Variants in AK5 observed in about 807,000 individuals in gnomAD.
AK5 encodes the protein adenylate kinase isoenzyme 5.
Under a neutral mutation model 69.5 loss-of-function variants are expected in AK5, and 27 were observed. That is an observed-to-expected ratio of 0.39 (90% CI 0.29 to 0.54). The LOEUF (loss-of-function observed/expected upper bound fraction) is 0.54, where lower values mean the gene tolerates loss of function less well. AK5 is among the 20% of genes least tolerant of loss of function. The pLI, the probability that AK5 is intolerant of heterozygous loss-of-function variation, is 0.71. For synonymous variants in AK5, 260 were observed against 244.4 expected, an observed-to-expected ratio of 1.06 and a Z score of -0.60; for missense variants, 531 against 700.4, an observed-to-expected ratio of 0.76 and a Z score of 2.73.
intron 8 of AK5, among the ~76,000 whole-genome samples, chr1:77,446,014 T>C (rs1652730535): frequency 6.6e-6 from 1 of 152,226 alleles, no homozygotes; most frequent in South Asian, 2.1e-4. Context: ...CCAAGGCCAA[T>C]GTCAAGATCT....
Position 77,555,052 on chromosome 1 carries a change from A to G in AK5, c.1621-3550A>G, listed in dbSNP as rs372362404. Among the ~76,000 whole-genome samples the G allele has an allele frequency of 3.3e-5, 5 of 152,120 alleles. No homozygotes were observed. In the South Asian group the frequency reaches 8.3e-4, roughly 25 times the overall value. On this transcript the variant is annotated intron_variant, in intron 13 of 13. Coordinates refer to ENST00000354567, the MANE Select transcript of AK5 (RefSeq NM_174858.3). ...TCCCAGCACTTTGGGAGGCTGAGGT[A>G]GGCAGATTACTTGAGGCCAGGAGTT...
chr1:77,377,193 CT>C (rs1647307147), intron 6 of AK5, among the ~76,000 whole-genome samples: 1 of 152,170 alleles, frequency 6.6e-6, no homozygotes, highest in Non-Finnish European at 1.5e-5. Context: ...ATATACCAGA[CT>C]CCCTGTCAGT....
At chr1:77,495,835 ATAGACT>A (rs777754833) in intron 10 of AK5, among the ~76,000 whole-genome samples, 5 of 147,610 alleles carry the variant, frequency 3.4e-5, no homozygotes, top group Non-Finnish European at 5.9e-5. Flanking sequence ...AAGCAGATAT[ATAGACT>A]TAAAGGGGGG....
intron 5 of AK5, among the ~76,000 whole-genome samples, chr1:77,299,855 T>C (rs1659234784): frequency 6.6e-6 from 1 of 152,130 alleles, no homozygotes; most frequent in African/African-American, 2.4e-5. Context: ...TTTTTTTAAT[T>C]GCTTTTTAAA....
chr1:77,392,467 A>G (rs1648549283), intron 6 of AK5, among the ~76,000 whole-genome samples: 1 of 152,258 alleles, frequency 6.6e-6, no homozygotes. Flanking sequence ...CACATTTTAA[A>G]CAAACACTAA....
intron 11 of AK5, among the ~76,000 whole-genome samples, chr1:77,520,382 C>G (rs545347046): frequency 6.6e-6 from 1 of 152,156 alleles, no homozygotes; most frequent in African/African-American, 2.4e-5. Flanking sequence ...TTCCTCAAAA[C>G]CTTCCAATGG....
intron 6 of AK5, among the ~76,000 whole-genome samples, chr1:77,404,289 T>C (rs1200296106): frequency 2.0e-5 from 3 of 152,274 alleles, no homozygotes; most frequent in East Asian, 3.9e-4. Context: ...TACTGTAGGA[T>C]ATTTAGCAGC....
rs569665580 is a variant in AK5, at chr1:77,558,561, G to A, written c.1621-41G>A. 6 of 1,242,064 alleles carry A rather than the reference G, an allele frequency of 4.8e-6. No individual in the cohort carries two copies. In the African/African-American group the frequency reaches 8.9e-5, roughly 18 times the overall value. The allele number at this position is 1,242,064 out of a possible 1,614,324, so 76.9% of individuals were successfully genotyped here. A position where few individuals can be genotyped will look rare whatever the true frequency, so the allele number is the denominator to read the frequency against. ...CTTTCATTATTAAACATGATTTACA[G>A]ATATTTCAGACTAACTCTCTTTTTT... On this transcript the variant is annotated intron_variant, in intron 13 of 13. Coordinates refer to ENST00000354567, the MANE Select transcript of AK5 (RefSeq NM_174858.3).
At chr1:77,481,261 A>G (rs530111602) in intron 8 of AK5, among the ~76,000 whole-genome samples, 2 of 152,226 alleles carry the variant, frequency 1.3e-5, no homozygotes, top group African/African-American at 4.8e-5. Flanking sequence ...CTCTCTGAAC[A>G]TCAGTTTCCT....
chr1:77,284,544 C>T (rs1179167559), intron 1 of AK5, among the ~76,000 whole-genome samples: 1 of 152,160 alleles, frequency 6.6e-6, no homozygotes, highest in Non-Finnish European at 1.5e-5. Flanking sequence ...ATCTCTGGTA[C>T]GTTCATGTTT....
At chr1:77,526,465 CTTTTTTTTTTT>C (rs917395853) in intron 12 of AK5, among the ~76,000 whole-genome samples, 7 of 84,658 alleles carry the variant, frequency 8.3e-5, no homozygotes, top group Admixed American at 2.4e-4. Flanking sequence ...GAATAAAAGT[CTTTTTTTTTTT>C]TTTTTTTTTT....
chr1:77,313,716 G>A, intron 5 of AK5: 2 of 463,172 alleles, frequency 4.3e-6, no homozygotes, highest in East Asian at 6.7e-5. Context: ...TTGTGGGTTT[G>A]CTTTCCGTAC....
At chr1:77,521,789 A>T in intron 11 of AK5, 38 bp from the exon 12 acceptor site, 1 of 1,508,132 alleles carries the variant, frequency 6.6e-7, no homozygotes, top group East Asian at 2.3e-5. Context: ...GTGTTCTGTG[A>T]AAGAGCTCAG....
At chr1:77,452,358 G>T (rs773342949) in intron 8 of AK5, among the ~76,000 whole-genome samples, 1 of 152,140 alleles carries the variant, frequency 6.6e-6, no homozygotes. Flanking sequence ...GGATAGCATT[G>T]CAATATTCTC....
chr1:77,351,764 CT>C (rs2100413291), intron 6 of AK5, among the ~76,000 whole-genome samples: 2 of 152,194 alleles, frequency 1.3e-5, no homozygotes, highest in East Asian at 3.9e-4. Flanking sequence ...TCAGGGGAGG[CT>C]GCAAAACGGA....
chr1:77,397,180 T>G (rs1157576849), intron 6 of AK5, among the ~76,000 whole-genome samples: 1 of 152,204 alleles, frequency 6.6e-6, no homozygotes, highest in Non-Finnish European at 1.5e-5. Context: ...TACCTTCATT[T>G]CTTCTCACGG....
At chr1:77,292,198 A>T (rs1658725237) in intron 2 of AK5, among the ~76,000 whole-genome samples, 1 of 152,202 alleles carries the variant, frequency 6.6e-6, no homozygotes. Context: ...ATCAAGGATA[A>T]TGTTTTGAAT....
intron 8 of AK5, among the ~76,000 whole-genome samples, chr1:77,457,010 G>T (rs1383308260): frequency 2.0e-5 from 3 of 151,542 alleles, no homozygotes; most frequent in Non-Finnish European, 4.4e-5. Flanking sequence ...TTTTCTGACA[G>T]TTTGCCTGGG....
chr1:77,490,162 A>T (rs1259876086), intron 10 of AK5, among the ~76,000 whole-genome samples: 1 of 152,208 alleles, frequency 6.6e-6, no homozygotes, highest in Non-Finnish European at 1.5e-5. Context: ...CTGGCCTAGA[A>T]CTGACAAGCA....
Sources: gnomAD v4.1 joint callset for allele counts (sites outside exome capture counted in the v4.1 genomes callset) on GRCh38, gnomAD v4.1.1 for gene constraint, MANE v1.5 for transcripts, NCBI Gene and HGNC (gene_info 2026-07-23, HGNC 2026-07-21) for gene names.